RP1L1: variants seen among roughly 807,000 people sequenced by gnomAD.
The protein encoded by RP1L1 is retinitis pigmentosa 1-like 1 protein.
RP1L1 carries 27 observed loss-of-function variants against 15.7 expected under a neutral mutation model. The observed-to-expected ratio is 1.72, with a 90% confidence interval of 1.27 to 2.38. The LOEUF (loss-of-function observed/expected upper bound fraction) is 2.38. Ranked by LOEUF, RP1L1 falls within the 30% of genes most tolerant of loss-of-function variation. The pLI, the probability that RP1L1 is intolerant of heterozygous loss-of-function variation, is 0.00. For synonymous variants in RP1L1, 1,813 were observed against 1,276.7 expected (o/e 1.42, Z -8.96); for missense variants, 4,798 against 3,075.9 (o/e 1.56, Z -13.24).
chr8:10,648,477 A>C (rs1416845857), intron 1 of RP1L1, among the ~76,000 whole-genome samples: 1 of 152,148 alleles, frequency 6.6e-6, no homozygotes, highest in Non-Finnish European at 1.5e-5. Flanking sequence ...ACACACAAGT[A>C]GGCTTGAGAC....
In RP1L1 at chr8:10,622,764, C is replaced by T. The variant is rs745914748; in HGVS notation, c.438G>A (p.Lys146=). 6.2e-7 allele frequency: 1 copy of T among 1,614,032 alleles called. No homozygotes were observed. The highest frequency in any genetic ancestry group is 8.5e-7 in the Non-Finnish European group (1 of 1,179,992). Residue 146 remains lysine, a synonymous_variant, in exon 2 of 4, where the codon AAG becomes AAA. Coordinates refer to ENST00000382483, the MANE Select transcript of RP1L1 (RefSeq NM_178857.6). Reference sequence around the variant, plus strand: ...GTATCCTCCGGGGGGTTTTAAGACTCTTCCGGGAGGAGGAGGTGCCTGGGG... The same window carrying T: ...GTATCCTCCGGGGGGTTTTAAGACTTTTCCGGGAGGAGGAGGTGCCTGGGG... ...REAPGTSSSR[K]SLKTPRRILL... is the part of the protein sequence containing the mutation.
intron 1 of RP1L1, among the ~76,000 whole-genome samples, chr8:10,639,154 G>A (rs1289125011): frequency 1.2e-4 from 18 of 150,262 alleles, no homozygotes; most frequent in African/African-American, 3.9e-4. Flanking sequence ...AAAAAAAAAA[G>A]AAAAGAAAAG....
chr8:10,622,264 G>C (rs1196635252), intron 2 of RP1L1, among the ~76,000 whole-genome samples: 1 of 149,722 alleles, frequency 6.7e-6, no homozygotes, highest in African/African-American at 2.5e-5. Context: ...AGGTTGCAGT[G>C]AGCCGAGATC....
chr8:10,615,934 T>G (rs1269252047), intron 3 of RP1L1, among the ~76,000 whole-genome samples: 1 of 151,990 alleles, frequency 6.6e-6, no homozygotes, highest in African/African-American at 2.4e-5. Context: ...AGACAGGATT[T>G]TGCTCTGTCA....
intron 3 of RP1L1, among the ~76,000 whole-genome samples, chr8:10,613,646 C>T (rs531441415): frequency 1.0e-4 from 15 of 145,904 alleles, no homozygotes; most frequent in Middle Eastern, 4.1e-3. Flanking sequence ...ATTACCTAAG[C>T]ATGGTAGTAT....
Position 10,622,900 on chromosome 8 carries a change from C to T in RP1L1, c.302G>A (p.Cys101Tyr), listed in dbSNP as rs780783485. 2 of 1,613,888 alleles carry T rather than the reference C, an allele frequency of 1.2e-6. No homozygotes were observed. Among genetic ancestry groups the T allele is most frequent in the Non-Finnish European group, 1.7e-6 (2 of 1,179,920 alleles). The change falls in exon 2 of 4, where the codon TGC becomes TAC. Residue 101 changes from cysteine to tyrosine, a missense_variant. Physicochemically the swap from Cys to Tyr is radical, Grantham distance 194. Coordinates refer to ENST00000382483, the MANE Select transcript of RP1L1 (RefSeq NM_178857.6). ...SALEQLEDGG[C>Y]YLCSDKKPPK... ...GGGCTTCTTATCAGAGCAGAGGTAG[C>T]AGCCTCCATCTTCCAGCTGCTCCAG... is the stretch of plus-strand genomic sequence containing the variant.
At position 10,647,305 on chromosome 8, in the gene RP1L1, C is replaced by G. The variant is rs1295401728; in HGVS notation, c.-20+7593G>C. 2.6e-5 allele frequency among the ~76,000 whole-genome samples: 4 copies of G among 152,238 alleles called. No homozygotes were observed. The East Asian group carries it at 5.8e-4, about 22-fold the overall frequency. On this transcript the variant is annotated intron_variant, in intron 1 of 3. Coordinates refer to ENST00000382483, the MANE Select transcript of RP1L1 (RefSeq NM_178857.6). ...AGCTGAGCCTGCTATGGTTGTCGCT[C>G]TACTGTTTGTGTTTTTATTTTTTTA...
At chr8:10,643,151 A>G (rs184803463) in intron 1 of RP1L1, among the ~76,000 whole-genome samples, 2 of 152,260 alleles carry the variant, frequency 1.3e-5, no homozygotes, top group South Asian at 2.1e-4. Context: ...AGCCTGGGAA[A>G]GCATGGCAAG....
chr8:10,623,807 G>C (rs1798114759), intron 1 of RP1L1, among the ~76,000 whole-genome samples: 1 of 150,984 alleles, frequency 6.6e-6, no homozygotes, highest in African/African-American at 2.4e-5. Context: ...CCCCAACATT[G>C]CTGTGACTCA....
chr8:10,629,330 G>T (rs572326765), intron 1 of RP1L1, among the ~76,000 whole-genome samples: 1 of 152,294 alleles, frequency 6.6e-6, no homozygotes, highest in South Asian at 2.1e-4. Flanking sequence ...AAGTGAGAAG[G>T]TGACTAAGGG....
rs370433535 is a variant in RP1L1 at position 10,609,209 on chromosome 8, G to C, written c.4889C>G (p.Ser1630Cys). The C allele has an allele frequency of 1.1e-5, 17 of 1,610,612 alleles. No homozygotes were observed. Among genetic ancestry groups the C allele is most frequent in the Admixed American group, 5.0e-5 (3 of 60,018 alleles). ...GGCTGGCTCGTCCTCCAGGGTGAAG[G>C]AGAGGGGCCCCAGGCCCAGGGTCCG... ...SERTLGLGPLSFTLEDEPALS... is the reference protein window; with the variant it reads ...SERTLGLGPLCFTLEDEPALS... The change falls in exon 4 of 4, where the codon TCC becomes TGC. Residue 1630 changes from serine to cysteine, a missense_variant. By Grantham distance (112) the Ser-to-Cys change is moderately radical. Transcript: ENST00000382483.
Position 10,651,038 on chromosome 8 carries a change from A to C in RP1L1, c.-20+3860T>G, listed in dbSNP as rs75539229. 7.9e-4 allele frequency among the ~76,000 whole-genome samples: 121 copies of C among 152,350 alleles called. No homozygotes were observed. In the East Asian group the frequency reaches 0.017, roughly 21 times the overall value. ...TTTATGGTTTGCAAAGTGCTCTGGG[A>C]TAATTTGTCTGATTATTACCTTGAG... On this transcript the variant is annotated intron_variant, in intron 1 of 3. Coordinates refer to ENST00000382483, the MANE Select transcript of RP1L1 (RefSeq NM_178857.6).
Position 10,606,795 on chromosome 8 carries a change from T to A in RP1L1, c.*100A>T, listed in dbSNP as rs1797709623. ...GTCCTTGGTCTTTGTCCATGTACTA[T>A]GGACATCTCCAGTGGACTGAACGTT... On this transcript the variant is annotated 3_prime_UTR_variant, in exon 4 of 4. Transcript: ENST00000382483. 10 of 1,583,846 alleles carry A rather than the reference T, an allele frequency of 6.3e-6. No individual in the cohort carries two copies. Among genetic ancestry groups the A allele is most frequent in the Non-Finnish European group, 8.5e-6 (10 of 1,171,262 alleles).
At chr8:10,625,792 G>A (rs4484648) in intron 1 of RP1L1, among the ~76,000 whole-genome samples, 49,932 of 151,764 alleles carry the variant, frequency 0.33, 9,592 homozygotes, top group East Asian at 0.51. Flanking sequence ...GTCTCAGTGA[G>A]CACAGAGACC....
chr8:10,608,355 C>T lies in RP1L1; in HGVS notation c.5743G>A (p.Ala1915Thr). The change falls in exon 4 of 4, where the codon GCC becomes ACC. Residue 1915 changes from alanine (A) to threonine (T), a missense_variant. Coordinates refer to ENST00000382483, the MANE Select transcript of RP1L1 (RefSeq NM_178857.6). ...TCTACACTTTCTGTCTCTGGCTGGG[C>T]CTCCTTTTCTGCCTCCGGGGCTTCT... ...GAEAPEAEKEAQPETESVEAL... is the reference protein window; with the variant it reads ...GAEAPEAEKETQPETESVEAL... 6.2e-7 allele frequency: 1 copy of T among 1,613,166 alleles called. No individual in the cohort carries two copies. Among genetic ancestry groups the T allele is most frequent in the Non-Finnish European group, 8.5e-7 (1 of 1,179,860 alleles).
chr8:10,618,310 G>C (rs1798003187), intron 2 of RP1L1, among the ~76,000 whole-genome samples: 2 of 151,832 alleles, frequency 1.3e-5, no homozygotes, highest in Admixed American at 1.3e-4. Flanking sequence ...GATCAGCCTG[G>C]GCATCATGGT....
At chr8:10,623,241 A>T (rs746537227) in intron 1 of RP1L1, 21 bp from the exon 2 acceptor site, 1 of 1,508,442 alleles carries the variant, frequency 6.6e-7, no homozygotes, top group South Asian at 1.3e-5. Context: ...GCAGAGGAAG[A>T]GGGGTCAGAG....
Position 10,606,660 on chromosome 8 carries a change from C to T in RP1L1, c.*235G>A, listed in dbSNP as rs1386752141. 1.3e-5 allele frequency: 8 copies of T among 638,986 alleles called. No homozygotes were observed. Among genetic ancestry groups the T allele is most frequent in the African/African-American group, 3.7e-5 (2 of 54,454 alleles). 39.6% of individuals were successfully genotyped at this position (638,986 alleles called of 1,614,324 possible). ...CTGACCTCCGATAACCGGGCAGATC[C>T]GCAGACACCCCCTTTCTTCACACTG... On this transcript the variant is annotated 3_prime_UTR_variant, in exon 4 of 4. Transcript: ENST00000382483.
Position 10,611,119 on chromosome 8 carries a change from G to T in RP1L1, c.2979C>A (p.Asp993Glu). The change falls in exon 4 of 4, where the codon GAC becomes GAA. Residue 993 changes from aspartate to glutamate, a missense_variant. Asp to Glu is a conservative substitution (Grantham distance 45, BLOSUM62 2). Coordinates refer to ENST00000382483, the MANE Select transcript of RP1L1 (RefSeq NM_178857.6). ...AGGGLRGPEV[D>E]PGDDHSLEGL... is the part of the protein sequence containing the mutation. ...CTTCCAGAGAATGGTCATCCCCAGG[G>T]TCCACCTCGGGGCCTCTCAGGCCAC... 1 of 1,612,894 alleles carries T rather than the reference G, an allele frequency of 6.2e-7. No individual in the cohort carries two copies. The highest frequency in any genetic ancestry group is 8.5e-7 in the Non-Finnish European group (1 of 1,180,018).
Sources: gnomAD v4.1 joint callset for allele counts (sites outside exome capture counted in the v4.1 genomes callset) on GRCh38, gnomAD v4.1.1 for gene constraint, MANE v1.5 for transcripts, NCBI Gene and HGNC (gene_info 2026-07-23, HGNC 2026-07-21) for gene names.